The following NCALD variants were observed in gnomAD, a reference collection of about 807,000 sequenced individuals.
NCALD encodes neurocalcin-delta.
In NCALD, 10 loss-of-function variants were observed where a neutral mutation model predicts 18.6. The ratio of observed to expected loss-of-function variants is 0.54; its 90% confidence interval spans 0.33 to 0.91. The LOEUF (loss-of-function observed/expected upper bound fraction) is 0.91, where lower values mean the gene tolerates loss of function less well. Among genes scored for constraint, NCALD ranks in the 40% least tolerant of loss-of-function variants. The probability of loss-of-function intolerance (pLI) is 0.03; values close to 1 mark genes in which losing one functional copy is unlikely to be tolerated. For synonymous variants in NCALD, 88 were observed against 87.4 expected, an observed-to-expected ratio of 1.01 and a Z score of -0.04; for missense variants, 184 against 247.6, an observed-to-expected ratio of 0.74 and a Z score of 1.72.
At chr8:101,770,128 G>GT (rs960462007) in intron 1 of NCALD, among the ~76,000 whole-genome samples, 1 of 152,190 alleles carries the variant, frequency 6.6e-6, no homozygotes, top group African/African-American at 2.4e-5. Context: ...TGCATCCTTT[G>GT]TGGCCATATA....
At chr8:101,959,654 C>T (rs1315955588) in intron 2 of NCALD, among the ~76,000 whole-genome samples, 2 of 152,148 alleles carry the variant, frequency 1.3e-5, no homozygotes, top group Non-Finnish European at 2.9e-5. Flanking sequence ...CTAGGTCCTA[C>T]AGAAACATCC....
chr8:102,013,483 A>G (rs552137131), intron 2 of NCALD, among the ~76,000 whole-genome samples: 2 of 152,038 alleles, frequency 1.3e-5, no homozygotes, highest in African/African-American at 2.4e-5. Context: ...TTAAAGACAC[A>G]TTTCTCATCC....
chr8:101,764,391 C>A (rs1811257277), intron 1 of NCALD, among the ~76,000 whole-genome samples: 1 of 152,144 alleles, frequency 6.6e-6, no homozygotes, highest in Admixed American at 6.5e-5. Flanking sequence ...TCCCCTGTAC[C>A]AAATGCTGCT....
intron 2 of NCALD, 84 bp downstream of exon 2, chr8:101,719,168 C>G (rs1216577247): frequency 6.6e-7 from 1 of 1,503,834 alleles, no homozygotes; most frequent in African/African-American, 1.4e-5. Context: ...AGTTTGCAAC[C>G]TCTGCACCGT....
At chr8:101,703,578 G>A (rs926864409) in intron 2 of NCALD, among the ~76,000 whole-genome samples, 69 of 152,178 alleles carry the variant, frequency 4.5e-4, no homozygotes, top group African/African-American at 1.3e-3. Flanking sequence ...ATTGGGCAAC[G>A]AAGGACAGTG....
intron 2 of NCALD, among the ~76,000 whole-genome samples, chr8:101,709,527 G>A (rs909402306): frequency 2.0e-5 from 3 of 152,202 alleles, no homozygotes; most frequent in African/African-American, 7.2e-5. Context: ...GAGAACAGAA[G>A]GGAGGCAAAT....
At chr8:101,864,564 G>A (rs1815681261) in intron 4 of NCALD, among the ~76,000 whole-genome samples, 1 of 151,224 alleles carries the variant, frequency 6.6e-6, no homozygotes, top group African/African-American at 2.4e-5. Context: ...TATATGACCT[G>A]ATAGGATTGT....
At chr8:101,794,802 T>C (rs1188312929), upstream of NCALD, among the ~76,000 whole-genome samples, 1 of 152,212 alleles carries the variant, frequency 6.6e-6, no homozygotes, top group Non-Finnish European at 1.5e-5. Context: ...TCAGGAAGCT[T>C]AGCTCTGTAA....
intron 1 of NCALD, chr8:102,029,008 A>T (rs1822566673): frequency 6.6e-6 from 1 of 152,220 alleles, no homozygotes; most frequent in South Asian, 2.1e-4. Context: ...AGAAGACATT[A>T]CCTGGGAATT....
At chr8:102,095,291 G>A (rs1279537333) in intron 1 of NCALD, among the ~76,000 whole-genome samples, 1 of 152,144 alleles carries the variant, frequency 6.6e-6, no homozygotes, top group South Asian at 2.1e-4. Context: ...ACATGTGGTG[G>A]GTGGCTTGTG....
Position 101,910,279 on chromosome 8 carries a change from G to A in NCALD, c.-107+5530C>T, listed in dbSNP as rs137942352. ...ACTGGGCAGGGCAAATGGAAGGTAT[G>A]TAAGTTTTTATTTGACTTGAGGAAA... On this transcript the variant is annotated intron_variant, in intron 3 of 6. Coordinates refer to the NCALD transcript ENST00000311028. Among the ~76,000 whole-genome samples, 1,357 of 152,284 alleles carry A rather than the reference G, an allele frequency of 8.9e-3. 8 individuals are homozygous for A. The highest frequency in any genetic ancestry group is 0.014 in the Non-Finnish European group (938 of 68,014).
chr8:101,736,837 C>A (rs1039350402), intron 1 of NCALD, among the ~76,000 whole-genome samples: 1 of 152,174 alleles, frequency 6.6e-6, no homozygotes, highest in African/African-American at 2.4e-5. Flanking sequence ...CAACTTGTCA[C>A]CCATTCCCAG....
chr8:102,008,086 T>C (rs1415083274), intron 2 of NCALD, among the ~76,000 whole-genome samples: 1 of 152,142 alleles, frequency 6.6e-6, no homozygotes, highest in African/African-American at 2.4e-5. Context: ...GTGTAAGAGG[T>C]GGGATAAGCA....
At chr8:101,778,204 G>A (rs1811872037) in intron 1 of NCALD, among the ~76,000 whole-genome samples, 1 of 152,176 alleles carries the variant, frequency 6.6e-6, no homozygotes, top group South Asian at 2.1e-4. Context: ...CGAACTGCCA[G>A]CCTTTCCATT....
At chr8:101,746,275 G>A (rs984369181) in intron 1 of NCALD, among the ~76,000 whole-genome samples, 1 of 152,188 alleles carries the variant, frequency 6.6e-6, no homozygotes, top group Non-Finnish European at 1.5e-5. Flanking sequence ...TTGAGTTCCT[G>A]TTCTGTCACT....
intron 3 of NCALD, among the ~76,000 whole-genome samples, chr8:101,899,528 A>G (rs941800229): frequency 6.6e-6 from 1 of 151,954 alleles, no homozygotes; most frequent in African/African-American, 2.4e-5. Flanking sequence ...GCGTTTTCAT[A>G]GATACTCTTT....
At chr8:102,036,849 A>T (rs952413669) in intron 1 of NCALD, among the ~76,000 whole-genome samples, 1 of 152,152 alleles carries the variant, frequency 6.6e-6, no homozygotes, top group African/African-American at 2.4e-5. Flanking sequence ...CAGACACTCA[A>T]TACCACAGGT....
At chr8:101,843,878 G>A (rs990813582) in intron 4 of NCALD, among the ~76,000 whole-genome samples, 1 of 152,050 alleles carries the variant, frequency 6.6e-6, no homozygotes, top group Admixed American at 6.5e-5. Flanking sequence ...CACCATGCCC[G>A]GCTGAGGATC....
chr8:101,746,553 A>T (rs1444516436), intron 1 of NCALD, among the ~76,000 whole-genome samples: 1 of 152,180 alleles, frequency 6.6e-6, no homozygotes, highest in Non-Finnish European at 1.5e-5. Context: ...AGCTGCTCAT[A>T]TTGATTCAGA....
Sources: gnomAD v4.1 joint callset for allele counts (sites outside exome capture counted in the v4.1 genomes callset) on GRCh38, gnomAD v4.1.1 for gene constraint, MANE v1.5 for transcripts, NCBI Gene and HGNC (gene_info 2026-07-23, HGNC 2026-07-21) for gene names.